LSAMP: variants seen among roughly 807,000 people sequenced by gnomAD.
LSAMP encodes the protein limbic system associated membrane protein, also known as limbic system-associated membrane protein.
LSAMP carries 7 observed loss-of-function variants against 38.6 expected under a neutral mutation model. That is an observed-to-expected ratio of 0.18 (90% CI 0.10 to 0.34). The LOEUF (loss-of-function observed/expected upper bound fraction) is 0.34, where lower values mean the gene tolerates loss of function less well. Among genes scored for constraint, LSAMP ranks in the 10% least tolerant of loss-of-function variants. The pLI is 1.00. For synonymous variants in LSAMP, 154 were observed against 166.8 expected (o/e 0.92, Z 0.59); for missense variants, 313 against 420.0 (o/e 0.75, Z 2.23).
At position 115,980,876 on chromosome 3, in the gene LSAMP, C is replaced by A. The variant is rs530119643; in HGVS notation, c.514+38639G>T. On this transcript the variant is annotated intron_variant, in intron 3 of 6. Transcript: ENST00000490035. ...TTTATGCTTCAGAAAATTTAAAGGT[C>A]ATTTTCCTTTCTTTGAAACCTCGCT... 9.7e-4 allele frequency among the ~76,000 whole-genome samples: 147 copies of A among 152,218 alleles called. 2 individuals carry two copies. The highest frequency in any genetic ancestry group is 3.4e-3 in the African/African-American group (142 of 41,544).
chr3:116,246,182 T>G (rs1295816049), intron 1 of LSAMP, among the ~76,000 whole-genome samples: 2 of 152,212 alleles, frequency 1.3e-5, no homozygotes, highest in Admixed American at 1.3e-4. Flanking sequence ...ATCCTATTTC[T>G]GTTTCAAGCC....
chr3:116,349,517 T>TCACA (rs57435910), intron 1 of LSAMP, among the ~76,000 whole-genome samples: 134 of 147,482 alleles, frequency 9.1e-4, no homozygotes, highest in African/African-American at 1.8e-3. Flanking sequence ...TCTCTCTCTC[T>TCACA]CACACACACA....
At chr3:115,980,999 A>G (rs1242497712) in intron 3 of LSAMP, among the ~76,000 whole-genome samples, 2 of 152,066 alleles carry the variant, frequency 1.3e-5, no homozygotes, top group Non-Finnish European at 2.9e-5. Flanking sequence ...GAGTACTTCC[A>G]CTAGTTGTTT....
intron 3 of LSAMP, among the ~76,000 whole-genome samples, chr3:115,990,006 T>C (rs541961219): frequency 6.6e-6 from 1 of 152,168 alleles, no homozygotes; most frequent in African/African-American, 2.4e-5. Context: ...GATTGGAATT[T>C]AAAATCAGAG....
At chr3:116,196,592 A>G (rs1411562358) in intron 1 of LSAMP, among the ~76,000 whole-genome samples, 1 of 152,150 alleles carries the variant, frequency 6.6e-6, no homozygotes, top group Non-Finnish European at 1.5e-5. Context: ...CCAGGATAAA[A>G]CTTCAATTTT....
At chr3:115,826,418 T>C (rs1934412154) in intron 6 of LSAMP, among the ~76,000 whole-genome samples, 1 of 152,172 alleles carries the variant, frequency 6.6e-6, no homozygotes, top group South Asian at 2.1e-4. Flanking sequence ...TTTCTGTCTT[T>C]TAAACTTCAC....
intron 3 of LSAMP, among the ~76,000 whole-genome samples, chr3:115,917,259 T>C (rs1457517399): frequency 6.6e-6 from 1 of 152,220 alleles, no homozygotes; most frequent in African/African-American, 2.4e-5. Flanking sequence ...GACACTTGCT[T>C]CCATACTTCT....
At chr3:115,989,729 C>T (rs759948634) in intron 3 of LSAMP, among the ~76,000 whole-genome samples, 24 of 152,032 alleles carry the variant, frequency 1.6e-4, no homozygotes, top group African/African-American at 3.6e-4. Context: ...ACTTAGTCTC[C>T]GGAATTATTG....
chr3:116,105,350 T>C (rs1334325323), intron 1 of LSAMP, among the ~76,000 whole-genome samples: 1 of 152,184 alleles, frequency 6.6e-6, no homozygotes, highest in Non-Finnish European at 1.5e-5. Flanking sequence ...CTGCCAGATA[T>C]GGTCACTTTC....
At chr3:116,285,927 G>T (rs751469289) in intron 1 of LSAMP, among the ~76,000 whole-genome samples, 1 of 152,168 alleles carries the variant, frequency 6.6e-6, no homozygotes, top group African/African-American at 2.4e-5. Context: ...TGGGGAAGAG[G>T]CCTAGAAAGG....
At chr3:115,887,316 G>A (rs1936480368) in intron 3 of LSAMP, among the ~76,000 whole-genome samples, 1 of 151,608 alleles carries the variant, frequency 6.6e-6, no homozygotes, top group African/African-American at 2.4e-5. Flanking sequence ...TTATGTCTAT[G>A]TATTTATGCA....
At chr3:116,377,914 A>G (rs1045685234) in intron 1 of LSAMP, among the ~76,000 whole-genome samples, 1 of 152,026 alleles carries the variant, frequency 6.6e-6, no homozygotes, top group Non-Finnish European at 1.5e-5. Flanking sequence ...CCAGAATTAG[A>G]GCCAGGATCT....
chr3:116,056,277 T>G (rs1941488988), intron 2 of LSAMP, among the ~76,000 whole-genome samples: 1 of 152,162 alleles, frequency 6.6e-6, no homozygotes, highest in Admixed American at 6.6e-5. Flanking sequence ...TTTCCTGAAC[T>G]ATTGTCACTA....
chr3:115,837,795 T>G (rs1174163633), intron 6 of LSAMP: 1 of 152,270 alleles, frequency 6.6e-6, no homozygotes, highest in Non-Finnish European at 1.5e-5. Context: ...TGAATTTAAA[T>G]CTCAAGCTCA....
intron 3 of LSAMP, among the ~76,000 whole-genome samples, chr3:115,864,264 C>A (rs181462934): frequency 0.014 from 2,099 of 152,264 alleles, 41 homozygotes; most frequent in African/African-American, 0.046. Flanking sequence ...GGCACGTTGC[C>A]TGATTGCTCT....
At chr3:116,212,812 ACTACTTGAGAAGAATG>A (rs1300273259) in intron 1 of LSAMP, among the ~76,000 whole-genome samples, 1 of 152,170 alleles carries the variant, frequency 6.6e-6, no homozygotes, top group Non-Finnish European at 1.5e-5. Flanking sequence ...CTCTCACCCA[ACTACTTGAGAAGAATG>A]CTACAAGGGG....
intron 3 of LSAMP, among the ~76,000 whole-genome samples, chr3:116,003,179 G>T (rs1940051553): frequency 6.6e-6 from 1 of 152,052 alleles, no homozygotes; most frequent in African/African-American, 2.4e-5. Flanking sequence ...TATGACTGAA[G>T]GAAGTCACTT....
rs1933629248 is a variant in LSAMP at position 115,806,333 on chromosome 3, A to C, written c.*3984T>G. The C allele has an allele frequency of 6.6e-6, 1 of 152,210 alleles. No individual in the cohort carries two copies. Among genetic ancestry groups the C allele is most frequent in the Non-Finnish European group, 1.5e-5 (1 of 68,038 alleles). The allele number at this position is 152,210 out of a possible 1,614,324, so 9.4% of individuals were successfully genotyped here. A position where few individuals can be genotyped will look rare whatever the true frequency, so the allele number is the denominator to read the frequency against. On this transcript the variant is annotated 3_prime_UTR_variant, in exon 7 of 7. Coordinates refer to ENST00000490035, the MANE Select transcript of LSAMP (RefSeq NM_002338.5). ...ATCTATAAAGATAAAAAATACACAC[A>C]CATATATATTATTGTTTTCCACAAA...
At chr3:116,173,585 A>G (rs978472828) in intron 1 of LSAMP, among the ~76,000 whole-genome samples, 2 of 152,052 alleles carry the variant, frequency 1.3e-5, no homozygotes, top group African/African-American at 4.8e-5. Context: ...ATATGTGTGC[A>G]AACCTATACA....
Sources: gnomAD v4.1 joint callset for allele counts (sites outside exome capture counted in the v4.1 genomes callset) on GRCh38, gnomAD v4.1.1 for gene constraint, MANE v1.5 for transcripts, NCBI Gene and HGNC (gene_info 2026-07-23, HGNC 2026-07-21) for gene names.